The following GSC variants were observed in gnomAD, a reference collection of about 807,000 sequenced individuals.
GSC encodes homeobox protein goosecoid.
Under a neutral mutation model 24.5 loss-of-function variants are expected in GSC, and 13 were observed. The observed-to-expected ratio is 0.53, with a 90% confidence interval of 0.35 to 0.84. The LOEUF is 0.84. Ranked by LOEUF, GSC falls within the 40% of genes least tolerant of loss-of-function variation. The pLI, the probability that GSC is intolerant of heterozygous loss-of-function variation, is 0.01. For synonymous variants in GSC, 199 were observed against 182.1 expected (o/e 1.09, Z -0.75); for missense variants, 382 against 384.2 (o/e 0.99, Z 0.05).
rs1220047294 is a variant in GSC, at chr14:94,769,897, C to T, written c.119G>A (p.Gly40Glu). The T allele has an allele frequency of 2.0e-6, 3 of 1,517,278 alleles. No individual in the cohort carries two copies. The highest frequency in any genetic ancestry group is 2.6e-6 in the Non-Finnish European group (3 of 1,140,394). 94.0% of individuals were successfully genotyped at this position (1,517,278 alleles called of 1,614,324 possible). A position where few individuals can be genotyped will look rare whatever the true frequency, so the allele number is the denominator to read the frequency against. Reference sequence around the variant, plus strand: ...GCCGCTGGCGCCGTAGAGCGAGTCCCCGTGCAGGGCCGGGAAGACGACGGG... The same window carrying T: ...GCCGCTGGCGCCGTAGAGCGAGTCCTCGTGCAGGGCCGGGAAGACGACGGG... ...AAPVVFPALH[G>E]DSLYGASGGA... The change falls in exon 1 of 3, where the codon GGG (glycine) becomes GAG (glutamate). Residue 40 changes from glycine (G) to glutamate (E), a missense_variant. Transcript: ENST00000238558.
Position 94,769,712 on chromosome 14 carries a change from C to G in GSC, c.304G>C (p.Ala102Pro), listed in dbSNP as rs1344004949. ...TGCTGGGCGCCCAGCGGCGGCACGGCCCCGCAGCAGGCCGGGCCCACGGGC... is the reference window on the plus strand; with the variant it reads ...TGCTGGGCGCCCAGCGGCGGCACGGGCCCGCAGCAGGCCGGGCCCACGGGC... ...AAPVGPACCG[A>P]VPPLGAQQCS... is the part of the protein sequence containing the mutation. Residue 102 changes from alanine (A) to proline (P), a missense_variant, in exon 1 of 3, where the codon GCC becomes CCC. By Grantham distance (27) the Ala-to-Pro change is conservative (BLOSUM62 -1). Coordinates refer to ENST00000238558, the MANE Select transcript of GSC (RefSeq NM_173849.3). 6.9e-7 allele frequency: 1 copy of G among 1,452,038 alleles called. No homozygotes were observed. The highest frequency in any genetic ancestry group is 2.9e-5 in the East Asian group (1 of 34,598). The allele number at this position is 1,452,038 out of a possible 1,614,324, so 89.9% of individuals were successfully genotyped here. A position where few individuals can be genotyped will look rare whatever the true frequency, so the allele number is the denominator to read the frequency against.
intron 2 of GSC, 136 bp from the exon 3 acceptor site, chr14:94,768,785 T>G: frequency 1.4e-6 from 2 of 1,398,120 alleles, no homozygotes; most frequent in Non-Finnish European, 2.0e-6. Flanking sequence ...TCGCTCCCGC[T>G]TCCGCGTTTT....
chr14:94,770,093 C>T lies in GSC; in HGVS notation c.-78G>A. ...GCCTTAAAGTGGGGGGGTCCACTCTCCTCCAGCCGCCGACCAAACCGAAAG... is the reference window on the plus strand; with the variant it reads ...GCCTTAAAGTGGGGGGGTCCACTCTTCTCCAGCCGCCGACCAAACCGAAAG... On this transcript the variant is annotated 5_prime_UTR_variant, in exon 1 of 3. Coordinates refer to ENST00000238558, the MANE Select transcript of GSC (RefSeq NM_173849.3). 4 of 1,336,306 alleles carry T rather than the reference C, an allele frequency of 3.0e-6. No homozygotes were observed. Among genetic ancestry groups the T allele is most frequent in the African/African-American group, 1.5e-5 (1 of 65,786 alleles). 82.8% of individuals were successfully genotyped at this position (1,336,306 alleles called of 1,614,324 possible).
At position 94,769,121 on chromosome 14, in the gene GSC, A is replaced by G; in HGVS notation, c.452T>C (p.Leu151Pro). Residue 151 changes from leucine to proline, a missense_variant, in exon 2 of 3, where the codon CTT becomes CCT. Physicochemically the swap from Leu to Pro is moderately conservative, Grantham distance 98. Coordinates refer to ENST00000238558, the MANE Select transcript of GSC (RefSeq NM_173849.3). ...CCGCCGACAGTGCAGCTGGTTGAGA[A>G]GCTGCAGCTCGGTGCGCGACAGCGT... ...VGTLSRTELQ[L>P]LNQLHCRRKR... is the part of the protein sequence containing the mutation. 33 of 1,583,370 alleles carry G rather than the reference A, an allele frequency of 2.1e-5. No homozygotes were observed. The highest frequency in any genetic ancestry group is 2.8e-5 in the Non-Finnish European group (33 of 1,165,308).
chr14:94,768,781 C>T (rs1362599531), intron 2 of GSC, 132 bp from the exon 3 acceptor site: 2 of 1,413,314 alleles, frequency 1.4e-6, no homozygotes, highest in Non-Finnish European at 1.9e-6. Context: ...CCGCTCGCTC[C>T]CGCTTCCGCG....
Position 94,769,757 on chromosome 14 carries a change from G to T in GSC, c.259C>A (p.Gln87Lys). ...RLGYNNYFYGQLHVQAAPVGP... is the reference protein window; with the variant it reads ...RLGYNNYFYGKLHVQAAPVGP... ...ACGGGCGCCGCCTGCACGTGCAGCT[G>T]CCCGTAGAAGTAGTTGTTGTAGCCG... Residue 87 changes from glutamine (Q) to lysine (K), a missense_variant, in exon 1 of 3, where the codon CAG becomes AAG. By Grantham distance (53) the Gln-to-Lys change is moderately conservative. Coordinates refer to ENST00000238558, the MANE Select transcript of GSC (RefSeq NM_173849.3). 6.9e-7 allele frequency: 1 copy of T among 1,442,136 alleles called. No homozygotes were observed. The highest frequency in any genetic ancestry group is 1.4e-5 in the South Asian group (1 of 70,488). 89.3% of individuals were successfully genotyped at this position (1,442,136 alleles called of 1,614,324 possible).
rs191352872 is a variant in GSC at position 94,769,908 on chromosome 14, C to T, written c.108G>A (p.Pro36=). The part of the protein sequence containing the change: ...AHSAAAPVVF[P]ALHGDSLYGA... Reference sequence around the variant, plus strand: ...CGTAGAGCGAGTCCCCGTGCAGGGCCGGGAAGACGACGGGAGCCGCCGCGC... The same window carrying T: ...CGTAGAGCGAGTCCCCGTGCAGGGCTGGGAAGACGACGGGAGCCGCCGCGC... Residue 36 remains proline, a synonymous_variant, in exon 1 of 3, where the codon CCG becomes CCA. Transcript: ENST00000238558. 0.012 allele frequency: 17,762 copies of T among 1,530,476 alleles called. 135 individuals carry two copies. The highest frequency in any genetic ancestry group is 0.031 in the Middle Eastern group (163 of 5,282). 94.8% of individuals were successfully genotyped at this position (1,530,476 alleles called of 1,614,324 possible). A position where few individuals can be genotyped will look rare whatever the true frequency, so the allele number is the denominator to read the frequency against.
Position 94,770,002 on chromosome 14 carries a change from A to G in GSC, c.14T>C (p.Met5Thr). Residue 5 changes from methionine to threonine, a missense_variant, in exon 1 of 3, where the codon ATG (methionine) becomes ACG (threonine). Transcript: ENST00000238558. MPASMFSIDNILAAR... is the reference protein window; with the variant it reads MPASTFSIDNILAAR... ...GGCTAGGATGTTGTCGATGCTGAACATGCTGGCGGGCATCCCCGAGCCCCG... is the reference window on the plus strand; with the variant it reads ...GGCTAGGATGTTGTCGATGCTGAACGTGCTGGCGGGCATCCCCGAGCCCCG... 1 of 1,557,900 alleles carries G rather than the reference A, an allele frequency of 6.4e-7. No homozygotes were observed. Among genetic ancestry groups the G allele is most frequent in the Non-Finnish European group, 8.6e-7 (1 of 1,160,890 alleles).
chr14:94,769,669 G>T lies in GSC; in HGVS notation c.347C>A (p.Thr116Lys). Residue 116 changes from threonine (T) to lysine (K), a missense_variant, in exon 1 of 3, where the codon ACG becomes AAG. Physicochemically the swap from Thr to Lys is moderately conservative, Grantham distance 78. Coordinates refer to ENST00000238558, the MANE Select transcript of GSC (RefSeq NM_173849.3). ...LGAQQCSCVPTPPGYEGPGSV... is the reference protein window; with the variant it reads ...LGAQQCSCVPKPPGYEGPGSV... ...AGCGAGCGCGACCCTACCTGGGGGCGTCGGGACGCAGGAGCACTGCTGGGC... is the reference window on the plus strand; with the variant it reads ...AGCGAGCGCGACCCTACCTGGGGGCTTCGGGACGCAGGAGCACTGCTGGGC... 1 of 1,440,148 alleles carries T rather than the reference G, an allele frequency of 6.9e-7. No homozygotes were observed. Among genetic ancestry groups the T allele is most frequent in the Non-Finnish European group, 9.0e-7 (1 of 1,106,814 alleles). The allele number at this position is 1,440,148 out of a possible 1,614,324, so 89.2% of individuals were successfully genotyped here. A position where few individuals can be genotyped will look rare whatever the true frequency, so the allele number is the denominator to read the frequency against.
At chr14:94,768,797 A>G (rs1050624639) in intron 2 of GSC, 148 bp from the exon 3 acceptor site, 4 of 1,389,082 alleles carry the variant, frequency 2.9e-6, no homozygotes, top group Non-Finnish European at 3.9e-6. Flanking sequence ...CCGCGTTTTC[A>G]TTCAACTTCC....
In GSC at chr14:94,769,203, C is replaced by A; in HGVS notation, c.370G>T (p.Gly124Cys). 3.2e-6 allele frequency: 5 copies of A among 1,556,042 alleles called. No homozygotes were observed. Among genetic ancestry groups the A allele is most frequent in the Non-Finnish European group, 4.3e-6 (5 of 1,150,562 alleles). Residue 124 changes from glycine to cysteine, a missense_variant, in exon 2 of 3, where the codon GGT becomes TGT. By Grantham distance (159) the Gly-to-Cys change is radical. Transcript: ENST00000238558. Reference protein sequence around the residue: ...VPTPPGYEGPGSVLVSPVPHQ... With the variant: ...VPTPPGYEGPCSVLVSPVPHQ... Reference sequence around the variant, plus strand: ...GGTACCGGGGACACCAGCACCGAACCGGGGCCCTCGTAGCCTGCGACAGAG... The same window carrying A: ...GGTACCGGGGACACCAGCACCGAACAGGGGCCCTCGTAGCCTGCGACAGAG...
rs145932252 is a variant in GSC, at chr14:94,769,802, C to T, written c.214G>A (p.Ala72Thr). Reference sequence around the variant, plus strand: ...TAGCCGAGGCGGGAGCCGCTGACCGCGGCCGGGAGGCCCGCGCCGCCGGGG... The same window carrying T: ...TAGCCGAGGCGGGAGCCGCTGACCGTGGCCGGGAGGCCCGCGCCGCCGGGG... ...VAPGGAGLPAAVSGSRLGYNN... is the reference protein window; with the variant it reads ...VAPGGAGLPATVSGSRLGYNN... The change falls in exon 1 of 3, where the codon GCG (alanine) becomes ACG (threonine). Residue 72 changes from alanine to threonine, a missense_variant. Transcript: ENST00000238558. The T allele has an allele frequency of 2.9e-3, 4,100 of 1,416,994 alleles. 122 individuals carry two copies. The African/African-American group carries it at 0.055, about 19-fold the overall frequency. The allele number at this position is 1,416,994 out of a possible 1,614,324, so 87.8% of individuals were successfully genotyped here.
intron 1 of GSC, 113 bp downstream of exon 1, chr14:94,769,548 G>A: frequency 4.4e-6 from 6 of 1,361,058 alleles, no homozygotes; most frequent in Non-Finnish European, 5.7e-6. Context: ...ATCGGCAAAA[G>A]CGGAGGGGGG....
chr14:94,769,646 C>A lies in GSC; in HGVS notation c.355+15G>T. The A allele has an allele frequency of 4.3e-6, 6 of 1,409,496 alleles. No homozygotes were observed. Among genetic ancestry groups the A allele is most frequent in the Non-Finnish European group, 5.5e-6 (6 of 1,093,172 alleles). 87.3% of individuals were successfully genotyped at this position (1,409,496 alleles called of 1,614,324 possible). ...CCGCAGTGGGCGGCAGAGGCCGGAGCGAGCGCGACCCTACCTGGGGGCGTC... is the reference window on the plus strand; with the variant it reads ...CCGCAGTGGGCGGCAGAGGCCGGAGAGAGCGCGACCCTACCTGGGGGCGTC... On this transcript the variant is annotated intron_variant, in intron 1 of 2. Coordinates refer to ENST00000238558, the MANE Select transcript of GSC (RefSeq NM_173849.3).
rs1289945233 is a variant in GSC at position 94,768,992 on chromosome 14, G to C, written c.581C>G (p.Ala194Gly). 2 of 1,594,918 alleles carry C rather than the reference G, an allele frequency of 1.3e-6. No homozygotes were observed. Among genetic ancestry groups the C allele is most frequent in the Non-Finnish European group, 1.7e-6 (2 of 1,171,784 alleles). Residue 194 changes from alanine (A) to glycine (G), a missense_variant, in exon 2 of 3, where the codon GCC (alanine) becomes GGC (glycine). Coordinates refer to ENST00000238558, the MANE Select transcript of GSC (RefSeq NM_173849.3). ...CTCCTCGCGGAGGTGCACTTTCCGGGCCAGCTGCTCGCGCGTGCCCACGTC... is the reference window on the plus strand; with the variant it reads ...CTCCTCGCGGAGGTGCACTTTCCGGCCCAGCTGCTCGCGCGTGCCCACGTC... ...YPDVGTREQL[A>G]RKVHLREEKV...
In GSC at chr14:94,768,581, G is replaced by A. The variant is rs1289537476; in HGVS notation, c.684C>T (p.Asn228=). The change falls in exon 3 of 3, where the codon AAC becomes AAT. Residue 228 remains asparagine (N), a synonymous_variant. Coordinates refer to ENST00000238558, the MANE Select transcript of GSC (RefSeq NM_173849.3). The part of the protein sequence containing the change: ...QKRSSSEESE[N]AEKWNKTSSS... Reference sequence around the variant, plus strand: ...ACGACGTCTTGTTCCACTTCTCCGCGTTCTCCGACTCCTCTGATGAGGACC... The same window carrying A: ...ACGACGTCTTGTTCCACTTCTCCGCATTCTCCGACTCCTCTGATGAGGACC... 4 of 1,614,100 alleles carry A rather than the reference G, an allele frequency of 2.5e-6. No homozygotes were observed. Among genetic ancestry groups the A allele is most frequent in the South Asian group, 2.2e-5 (2 of 91,074 alleles).
chr14:94,768,474 C>A lies in GSC; in HGVS notation c.*17G>T. The A allele has an allele frequency of 1.2e-6, 2 of 1,614,126 alleles. No homozygotes were observed. Among genetic ancestry groups the A allele is most frequent in the South Asian group, 1.1e-5 (1 of 91,072 alleles). On this transcript the variant is annotated 3_prime_UTR_variant, in exon 3 of 3. Transcript: ENST00000238558. ...CTTCGAGTTAGGTAAGTAATACGGG[C>A]AAGTGTCCCGCGGCCGTCAGCTGTC... is the stretch of plus-strand genomic sequence containing the variant.
intron 2 of GSC, 25 bp from the exon 3 acceptor site, chr14:94,768,674 A>G: frequency 6.2e-7 from 1 of 1,611,646 alleles, no homozygotes; most frequent in Non-Finnish European, 8.5e-7. Flanking sequence ...AGGACAAAAC[A>G]GTTCAGATCA....
chr14:94,769,957 T>A lies in GSC; in HGVS notation c.59A>T (p.Asp20Val). The change falls in exon 1 of 3, where the codon GAC (aspartate) becomes GTC (valine). Residue 20 changes from aspartate to valine, a missense_variant. Transcript: ENST00000238558. The part of the protein sequence containing the change: ...NILAARPRCK[D>V]SVLPVAHSAA... Reference sequence around the variant, plus strand: ...GCTGTGCGCCACCGGCAACACCGAGTCCTTGCAGCGCGGCCGGGCGGCTAG... The same window carrying A: ...GCTGTGCGCCACCGGCAACACCGAGACCTTGCAGCGCGGCCGGGCGGCTAG... 2.6e-6 allele frequency: 4 copies of A among 1,553,952 alleles called. No homozygotes were observed. The highest frequency in any genetic ancestry group is 1.4e-5 in the African/African-American group (1 of 73,454).
Sources: gnomAD v4.1 joint callset for allele counts on GRCh38, gnomAD v4.1.1 for gene constraint, MANE v1.5 for transcripts, NCBI Gene and HGNC (gene_info 2026-07-23, HGNC 2026-07-21) for gene names.